ZNF404: variants seen among roughly 807,000 people sequenced by gnomAD.
ZNF404 encodes zinc finger protein 404.
In ZNF404, 7 loss-of-function variants were observed where a neutral mutation model predicts 7.3. That is an observed-to-expected ratio of 0.95 (90% CI 0.54 to 1.79). The LOEUF is 1.79. Ranked by LOEUF, ZNF404 falls within the 40% of genes most tolerant of loss-of-function variation. The pLI, the probability that ZNF404 is intolerant of heterozygous loss-of-function variation, is 0.00. For missense variants in ZNF404, 560 were observed against 661.5 expected (o/e 0.85, Z 1.68); for synonymous variants, 191 against 209.9 (o/e 0.91, Z 0.78).
chr19:43,881,441 G>A (rs1175429941), intron 1 of ZNF404, among the ~76,000 whole-genome samples: 2 of 151,870 alleles, frequency 1.3e-5, no homozygotes, highest in Non-Finnish European at 2.9e-5. Flanking sequence ...AGCAACAATT[G>A]GTGGAAATTA....
rs1372015979 is a variant in ZNF404 at position 43,883,036 on chromosome 19, G to GAAC, written c.9+919_9+920insGTT. On this transcript the variant is annotated intron_variant, in intron 1 of 2. Coordinates refer to ENST00000587539, the MANE Select transcript of ZNF404 (RefSeq NM_001033719.3). ...GAATCGCTTGAACCTGGGCAGCAGA[G>GAAC]GTTGCAGTGAGCCAAGATAACGCCA... 3.3e-5 allele frequency among the ~76,000 whole-genome samples: 5 copies of GAAC among 152,018 alleles called. No homozygotes were observed. The East Asian group carries it at 9.7e-4, about 30-fold the overall frequency.
At chr19:43,881,938 C>T (rs912549041) in intron 1 of ZNF404, among the ~76,000 whole-genome samples, 1 of 114,094 alleles carries the variant, frequency 8.8e-6, no homozygotes, top group Non-Finnish European at 1.7e-5. Context: ...GCCTGGGCAA[C>T]AAGAGTGAAA....
chr19:43,873,184 TAAG>T lies in ZNF404; in HGVS notation c.1027_1029del (p.Leu343del). Reference sequence around the variant, plus strand: ...TCACTACTATGAATTCTCTTATGTTTAAGAAGGCTTGAGCCCTTACCAAAAGCC... The same window carrying T: ...TCACTACTATGAATTCTCTTATGTTTAAGGCTTGAGCCCTTACCAAAAGCC... On this transcript the variant is annotated inframe_deletion, in exon 3 of 3. Transcript: ENST00000587539. 2 of 1,612,646 alleles carry T rather than the reference TAAG, an allele frequency of 1.2e-6. No individual in the cohort carries two copies. The highest frequency in any genetic ancestry group is 1.7e-6 in the Non-Finnish European group (2 of 1,178,798).
chr19:43,879,583 A>G (rs978597794), intron 2 of ZNF404, among the ~76,000 whole-genome samples: 6 of 152,246 alleles, frequency 3.9e-5, no homozygotes, highest in Non-Finnish European at 8.8e-5. Context: ...TCATTCTACT[A>G]CTATAAAAAT....
chr19:43,873,003 A>G lies in ZNF404; in HGVS notation c.1211T>C (p.Ile404Thr), dbSNP rs1971823001. 4.4e-6 allele frequency: 7 copies of G among 1,603,146 alleles called. No homozygotes were observed. In the East Asian group the frequency reaches 1.6e-4, roughly 36 times the overall value. ...LHSYLIQHQI[I>T]HTDLKPYECK... is the part of the protein sequence containing the mutation. ...TTCATATGGCTTCAAATCAGTATGA[A>G]TTATCTGATGTTGAATAAGATATGA... Residue 404 changes from isoleucine to threonine, a missense_variant, in exon 3 of 3, where the codon ATT becomes ACT. Ile to Thr is a moderately conservative substitution (Grantham distance 89, BLOSUM62 -1). Transcript: ENST00000587539.
chr19:43,880,569 C>T (rs570921105), intron 1 of ZNF404, among the ~76,000 whole-genome samples: 11 of 152,212 alleles, frequency 7.2e-5, no homozygotes, highest in Admixed American at 5.2e-4. Context: ...CCAGCCAACA[C>T]GGAATAACAG....
rs1167844092 is a variant in ZNF404, at chr19:43,883,954, A to T, written c.9+2T>A. 3.8e-6 allele frequency: 6 copies of T among 1,599,348 alleles called. No individual in the cohort carries two copies. Among genetic ancestry groups the T allele is most frequent in the Non-Finnish European group, 5.1e-6 (6 of 1,179,712 alleles). On this transcript the variant is annotated splice_donor_variant, in intron 1 of 2. Transcript: ENST00000587539. LOFTEE classifies it high-confidence loss of function. ...AGAAAAGCAAAAGAGACATCAACTCACCCGGGCCATGGTTTCAGAAATGCT... is the reference window on the plus strand; with the variant it reads ...AGAAAAGCAAAAGAGACATCAACTCTCCCGGGCCATGGTTTCAGAAATGCT...
Position 43,872,707 on chromosome 19 carries a change from C to T in ZNF404, c.1507G>A (p.Ala503Thr), listed in dbSNP as rs1971819985. Reference sequence around the variant, plus strand: ...GTAAGTCGATCACTGCGATTAAAGGCCTTATCACATTCTTTACATTCATAG... The same window carrying T: ...GTAAGTCGATCACTGCGATTAAAGGTCTTATCACATTCTTTACATTCATAG... ...KPYECKECDK[A>T]FNRSDRLTQH... The change falls in exon 3 of 3, where the codon GCC becomes ACC. Residue 503 changes from alanine to threonine, a missense_variant. Coordinates refer to ENST00000587539, the MANE Select transcript of ZNF404 (RefSeq NM_001033719.3). The surrounding 1 kb of genome is among the most constrained non-coding windows in gnomAD (Gnocchi z 4.4). 1 of 1,613,416 alleles carries T rather than the reference C, an allele frequency of 6.2e-7. No individual in the cohort carries two copies.
intron 1 of ZNF404, among the ~76,000 whole-genome samples, chr19:43,883,385 A>G (rs1971912730): frequency 6.6e-6 from 1 of 152,092 alleles, no homozygotes. Context: ...CAGGACTGTC[A>G]ATTTCTCTTC....
intron 2 of ZNF404, among the ~76,000 whole-genome samples, chr19:43,877,242 T>C (rs1342108583): frequency 1.3e-5 from 2 of 151,802 alleles, no homozygotes; most frequent in African/African-American, 4.8e-5. Context: ...ACAAATAGAC[T>C]CCAGAAGAGA....
chr19:43,877,309 T>G (rs1474050216), intron 2 of ZNF404, among the ~76,000 whole-genome samples: 1 of 152,040 alleles, frequency 6.6e-6, no homozygotes, highest in East Asian at 1.9e-4. Flanking sequence ...ATTTAAAATA[T>G]TTTTCCCCAC....
In ZNF404 at chr19:43,882,681, T is replaced by G. The variant is rs1971905961; in HGVS notation, c.9+1275A>C. 2.0e-5 allele frequency among the ~76,000 whole-genome samples: 3 copies of G among 151,768 alleles called. No homozygotes were observed. In the South Asian group the frequency reaches 6.3e-4, roughly 32 times the overall value. ...TGGCTTATGCCTGTAATCTCAGCAC[T>G]TTGGGAGGCTGAGGTGGGAGGATCA... On this transcript the variant is annotated intron_variant, in intron 1 of 2. Transcript: ENST00000587539.
In ZNF404 at chr19:43,873,523, T is replaced by C. The variant is rs1971828821; in HGVS notation, c.691A>G (p.Thr231Ala). 1 of 1,613,546 alleles carries C rather than the reference T, an allele frequency of 6.2e-7. No homozygotes were observed. The highest frequency in any genetic ancestry group is 2.2e-5 in the East Asian group (1 of 44,866). Residue 231 changes from threonine to alanine, a missense_variant, in exon 3 of 3, where the codon ACA becomes GCA. Transcript: ENST00000587539. ...CCAACATGAATTTTCTGATGTTCTG[T>C]AAGGTGAGAATGACGTCTAAAAGCC... ...GKAFRRHSHL[T>A]EHQKIHVGLK...
chr19:43,872,564 G>T lies in ZNF404; in HGVS notation c.1650C>A (p.Leu550=). Residue 550 remains leucine (L), a synonymous_variant, in exon 3 of 3, where the codon CTC becomes CTA. Transcript: ENST00000587539. The surrounding 1 kb of genome is among the most constrained non-coding windows in gnomAD (Gnocchi z 4.4). ...QHQRFHHGER[L]LM is the part of the protein sequence containing the mutation. Reference sequence around the variant, plus strand: ...AAGGCTTTCCCTCTCATTACATTAAGAGTCTCTCACCATGGTGAAATCTTT... The same window carrying T: ...AAGGCTTTCCCTCTCATTACATTAATAGTCTCTCACCATGGTGAAATCTTT... 1 of 1,597,540 alleles carries T rather than the reference G, an allele frequency of 6.3e-7. No individual in the cohort carries two copies.
At position 43,873,838 on chromosome 19, in the gene ZNF404, T is replaced by C; in HGVS notation, c.376A>G (p.Thr126Ala). Residue 126 changes from threonine to alanine, a missense_variant, in exon 3 of 3, where the codon ACA (threonine) becomes GCA (alanine). Coordinates refer to ENST00000587539, the MANE Select transcript of ZNF404 (RefSeq NM_001033719.3). Reference protein sequence around the residue: ...KSLPLHKRNNTREKSYECKEY... With the variant: ...KSLPLHKRNNAREKSYECKEY... ...TTACACTCATATGATTTCTCTCTTG[T>C]GTTATTTCTCTTATGTAGAGGAAGG... The C allele has an allele frequency of 6.2e-7, 1 of 1,608,642 alleles. No individual in the cohort carries two copies. Among genetic ancestry groups the C allele is most frequent in the Non-Finnish European group, 8.5e-7 (1 of 1,179,520 alleles).
At chr19:43,874,975 A>G (rs1599745983) in intron 2 of ZNF404, among the ~76,000 whole-genome samples, 1 of 152,300 alleles carries the variant, frequency 6.6e-6, no homozygotes, top group East Asian at 1.9e-4. Context: ...AGAGCTGAGT[A>G]AACTAACCAT....
Position 43,880,016 on chromosome 19 carries a change from A to T in ZNF404, c.130T>A (p.Ser44Thr). 6.2e-7 allele frequency: 1 copy of T among 1,613,670 alleles called. No homozygotes were observed. The highest frequency in any genetic ancestry group is 8.5e-7 in the Non-Finnish European group (1 of 1,179,646). ...VMLENYTNLVSLDFNFTTESN... is the reference protein window; with the variant it reads ...VMLENYTNLVTLDFNFTTESN... ...TTTGTGCAGATATTCTTACCCAATG[A>T]GACCAAGTTAGTATAATTCTCCAAC... is the stretch of plus-strand genomic sequence containing the variant. Residue 44 changes from serine to threonine, a missense_variant, in exon 2 of 3, where the codon TCA (serine) becomes ACA (threonine). Physicochemically the swap from Ser to Thr is moderately conservative, Grantham distance 58 (BLOSUM62 1). Coordinates refer to ENST00000587539, the MANE Select transcript of ZNF404 (RefSeq NM_001033719.3).
In ZNF404 at chr19:43,873,961, T is replaced by C; in HGVS notation, c.253A>G (p.Ile85Val). Residue 85 changes from isoleucine (I) to valine (V), a missense_variant, in exon 3 of 3, where the codon ATT becomes GTT. Coordinates refer to ENST00000587539, the MANE Select transcript of ZNF404 (RefSeq NM_001033719.3). ...GTGTACTGTGGGTCAGTTCTGAAAA[T>C]AAACCTCATAAGGTTGAAGGTTTTA... ...RNKTFNLMRF[I>V]FRTDPQYTIE... The C allele has an allele frequency of 1.9e-6, 3 of 1,613,182 alleles. No individual in the cohort carries two copies. Among genetic ancestry groups the C allele is most frequent in the Non-Finnish European group, 2.5e-6 (3 of 1,179,460 alleles).
rs1350884796 is a variant in ZNF404 at position 43,873,596 on chromosome 19, C to A, written c.618G>T (p.Gln206His). The change falls in exon 3 of 3, where the codon CAG (glutamine) becomes CAT (histidine). Residue 206 changes from glutamine to histidine, a missense_variant. Transcript: ENST00000587539. ...FRFYSQLIQH[Q>H]IIHTGMKPYE... ...AGGGTTTCATACCAGTATGAATTATCTGATGCTGAATAAGCTGTGAATAAA... is the reference window on the plus strand; with the variant it reads ...AGGGTTTCATACCAGTATGAATTATATGATGCTGAATAAGCTGTGAATAAA... The A allele has an allele frequency of 6.2e-7, 1 of 1,613,498 alleles. No individual in the cohort carries two copies. Among genetic ancestry groups the A allele is most frequent in the African/African-American group, 1.3e-5 (1 of 74,858 alleles).
Sources: gnomAD v4.1 joint callset for allele counts (sites outside exome capture counted in the v4.1 genomes callset) on GRCh38, gnomAD v4.1.1 for gene constraint, Gnocchi (gnomAD v3.1) non-coding constraint, MANE v1.5 for transcripts, NCBI Gene and HGNC (gene_info 2026-07-23, HGNC 2026-07-21) for gene names.